The following DACH1 variants were observed in gnomAD, a reference collection of about 807,000 sequenced individuals.
The protein encoded by DACH1 is dachshund family transcription factor 1.
A neutral mutation model predicts 54.2 loss-of-function variants in DACH1; 12 were observed. The ratio of observed to expected loss-of-function variants is 0.22; its 90% CI spans 0.14 to 0.36. The LOEUF is 0.36. Ranked by LOEUF, DACH1 falls within the 10% of genes least tolerant of loss-of-function variation. The pLI, the probability that DACH1 is intolerant of heterozygous loss-of-function variation, is 1.00. For synonymous variants in DACH1, 386 were observed against 366.2 expected, an observed-to-expected ratio of 1.05 and a Z score of -0.62; for missense variants, 805 against 929.8, an observed-to-expected ratio of 0.87 and a Z score of 1.75.
chr13:71,530,824 C>T (rs1427044357), intron 6 of DACH1, among the ~76,000 whole-genome samples: 1 of 151,914 alleles, frequency 6.6e-6, no homozygotes, highest in Non-Finnish European at 1.5e-5. Flanking sequence ...AGGTAAAGAC[C>T]TCAGATTTCT....
At position 71,438,942 on chromosome 13, in the gene DACH1, T is replaced by C. The variant is rs1357154264; in HGVS notation, c.*1713A>G. 3 of 152,490 alleles carry C rather than the reference T, an allele frequency of 2.0e-5. No individual in the cohort carries two copies. The highest frequency in any genetic ancestry group is 4.4e-5 in the Non-Finnish European group (3 of 67,920). The allele number at this position is 152,490 out of a possible 1,614,324, so 9.4% of individuals were successfully genotyped here. A position where few individuals can be genotyped will look rare whatever the true frequency, so the allele number is the denominator to read the frequency against. On this transcript the variant is annotated 3_prime_UTR_variant, in exon 11 of 11. Coordinates refer to ENST00000613252, the MANE Select transcript of DACH1 (RefSeq NM_080759.6). ...AGGAACTGTACATATAACCTTTTTA[T>C]GGTATTAAAAAGATGAACTTAGCTG...
chr13:71,584,825 A>AT (rs1339425460), intron 3 of DACH1, among the ~76,000 whole-genome samples: 2 of 152,106 alleles, frequency 1.3e-5, no homozygotes, highest in African/African-American at 4.8e-5. Context: ...TGGAAATCTT[A>AT]GGGAGGCAAG....
intron 1 of DACH1, among the ~76,000 whole-genome samples, chr13:71,699,483 T>C (rs1013866872): frequency 2.6e-5 from 4 of 152,206 alleles, no homozygotes; most frequent in Non-Finnish European, 5.9e-5. Flanking sequence ...GTAGTATATC[T>C]TCCCAGAAGG....
At chr13:71,515,922 A>T (rs767910258) in intron 6 of DACH1, among the ~76,000 whole-genome samples, 2 of 151,918 alleles carry the variant, frequency 1.3e-5, no homozygotes, top group Non-Finnish European at 2.9e-5. Flanking sequence ...GTTGGCACAC[A>T]CTGAGATAAC....
chr13:71,497,024 A>G (rs1379815131), intron 6 of DACH1, among the ~76,000 whole-genome samples: 1 of 152,150 alleles, frequency 6.6e-6, no homozygotes, highest in Non-Finnish European at 1.5e-5. Context: ...GAAAGTATGA[A>G]TTCAAGTCCT....
At chr13:71,785,058 T>C (rs938110783) in intron 1 of DACH1, among the ~76,000 whole-genome samples, 1 of 152,170 alleles carries the variant, frequency 6.6e-6, no homozygotes, top group Non-Finnish European at 1.5e-5. Flanking sequence ...TCCTTTGAAC[T>C]CTCTAAAAAT....
At chr13:71,571,840 A>G (rs1868466417) in intron 4 of DACH1, among the ~76,000 whole-genome samples, 1 of 147,772 alleles carries the variant, frequency 6.8e-6, no homozygotes, top group African/African-American at 2.5e-5. Flanking sequence ...GGTTCACGCC[A>G]TTCTCCTGCC....
At chr13:71,464,488 G>A in intron 10 of DACH1, 1 of 340,880 alleles carries the variant, frequency 2.9e-6, no homozygotes, top group East Asian at 8.2e-5. Context: ...ATGAAGATGA[G>A]AAGTTCATTA....
chr13:71,619,458 A>G (rs1876045584), intron 3 of DACH1, among the ~76,000 whole-genome samples: 1 of 151,938 alleles, frequency 6.6e-6, no homozygotes, highest in South Asian at 2.1e-4. Flanking sequence ...TCCAATTAAT[A>G]AAAAATACCA....
At chr13:71,467,911 A>G (rs930541842) in intron 10 of DACH1, among the ~76,000 whole-genome samples, 1 of 152,200 alleles carries the variant, frequency 6.6e-6, no homozygotes. Context: ...ACTTATTTCT[A>G]AATGACTAAT....
chr13:71,783,964 TAAA>T (rs35579396), intron 1 of DACH1, among the ~76,000 whole-genome samples: 66 of 116,188 alleles, frequency 5.7e-4, no homozygotes, highest in African/African-American at 2.1e-3. Flanking sequence ...CTCCAAGGTT[TAAA>T]AAAAAAAAAA....
intron 2 of DACH1, among the ~76,000 whole-genome samples, chr13:71,669,376 C>A (rs1303799200): frequency 6.6e-6 from 1 of 152,186 alleles, no homozygotes; most frequent in African/African-American, 2.4e-5. Flanking sequence ...CTATTGTGAA[C>A]TGCACATGCG....
intron 1 of DACH1, among the ~76,000 whole-genome samples, chr13:71,835,238 G>A (rs1051618115): frequency 2.0e-5 from 3 of 151,974 alleles, no homozygotes; most frequent in Non-Finnish European, 4.4e-5. Context: ...AAAATACCTA[G>A]AGCTTGCCAA....
intron 3 of DACH1, among the ~76,000 whole-genome samples, chr13:71,611,909 C>A (rs1425042472): frequency 6.6e-6 from 1 of 151,902 alleles, no homozygotes; most frequent in East Asian, 1.9e-4. Context: ...AAGGTCCCTG[C>A]CACAAAGGGT....
intron 4 of DACH1, among the ~76,000 whole-genome samples, chr13:71,563,187 G>T (rs1884697005): frequency 6.6e-6 from 1 of 151,962 alleles, no homozygotes; most frequent in Admixed American, 6.6e-5. Flanking sequence ...TGTATAAAGA[G>T]AATTTTCTAA....
chr13:71,620,560 A>T (rs1876155639), intron 3 of DACH1, among the ~76,000 whole-genome samples: 1 of 152,002 alleles, frequency 6.6e-6, no homozygotes, highest in South Asian at 2.1e-4. Flanking sequence ...CAGATGGCAT[A>T]CTGCCTGAGT....
chr13:71,811,505 A>G (rs1305350642), intron 1 of DACH1, among the ~76,000 whole-genome samples: 2 of 152,180 alleles, frequency 1.3e-5, no homozygotes, highest in African/African-American at 4.8e-5. Flanking sequence ...CATCACCTCT[A>G]CAAACCACTA....
chr13:71,563,925 A>T (rs1164031161), intron 4 of DACH1, among the ~76,000 whole-genome samples: 1 of 151,832 alleles, frequency 6.6e-6, no homozygotes, highest in Non-Finnish European at 1.5e-5. Context: ...GAGACACAAC[A>T]TATTCAGTCA....
intron 10 of DACH1, among the ~76,000 whole-genome samples, chr13:71,473,544 C>T (rs899584742): frequency 1.3e-5 from 2 of 152,138 alleles, no homozygotes; most frequent in Admixed American, 6.5e-5. Flanking sequence ...CAAATTCAAA[C>T]AAAAATAACC....
Sources: allele counts gnomAD v4.1 joint callset (sites outside exome capture counted in the v4.1 genomes callset), GRCh38; gene constraint gnomAD v4.1.1; transcripts MANE v1.5; gene names NCBI Gene and HGNC (gene_info 2026-07-23, HGNC 2026-07-21).